The following CNGB3 variants were observed in gnomAD, a reference collection of about 807,000 sequenced individuals.
CNGB3 encodes cyclic nucleotide gated channel subunit beta 3.
Under a neutral mutation model 92.8 loss-of-function variants are expected in CNGB3, and 86 were observed. That is an observed-to-expected ratio of 0.93 (90% CI 0.78 to 1.11). The LOEUF (loss-of-function observed/expected upper bound fraction) is 1.11. CNGB3 is among the 50% of genes least tolerant of loss of function. The pLI, the probability that CNGB3 is intolerant of heterozygous loss-of-function variation, is 0.00. For synonymous variants in CNGB3, 333 were observed against 332.7 expected (o/e 1.00, Z -0.01); for missense variants, 1,026 against 956.8 (o/e 1.07, Z -0.95).
chr8:86,700,731 C>T (rs771992767), intron 3 of CNGB3, among the ~76,000 whole-genome samples: 10 of 152,252 alleles, frequency 6.6e-5, no homozygotes, highest in East Asian at 1.9e-4. Context: ...CTCCATCTCC[C>T]GGGTTCAAGC....
At position 86,586,968 on chromosome 8, in the gene CNGB3, T is replaced by G. The variant is rs1236546331; in HGVS notation, c.1782-7716A>C. Among the ~76,000 whole-genome samples the G allele has an allele frequency of 2.1e-5, 3 of 143,720 alleles. No individual in the cohort carries two copies. In the South Asian group the frequency reaches 6.8e-4, roughly 33 times the overall value. 94.3% of individuals were successfully genotyped at this position (143,720 alleles called of 152,430 possible). A position where few individuals can be genotyped will look rare whatever the true frequency, so the allele number is the denominator to read the frequency against. On this transcript the variant is annotated intron_variant, in intron 15 of 17. Transcript: ENST00000320005. ...AGTCCCACCAACAGTGTAAAAGTGT[T>G]CCTATTTCTCCACATCCTCTCCAGC...
chr8:86,652,868 T>G (rs987239115), intron 7 of CNGB3, among the ~76,000 whole-genome samples: 1 of 152,134 alleles, frequency 6.6e-6, no homozygotes, highest in Non-Finnish European at 1.5e-5. Flanking sequence ...GAGTACAGGA[T>G]AGTAAATACA....
chr8:86,584,301 A>T (rs1304462657), intron 15 of CNGB3, among the ~76,000 whole-genome samples: 2 of 152,198 alleles, frequency 1.3e-5, no homozygotes, highest in East Asian at 1.9e-4. Context: ...GTTGTCATGG[A>T]CACAGGGTAA....
rs557406485 is a variant in CNGB3 at position 86,580,555 on chromosome 8, G to C, written c.1782-1303C>G. On this transcript the variant is annotated intron_variant, in intron 15 of 17. Coordinates refer to ENST00000320005, the MANE Select transcript of CNGB3 (RefSeq NM_019098.5). ...GTGTCATAAGCTGCTCTATAATATA[G>C]TCATTCACATACATCTCCCCACCTG... Among the ~76,000 whole-genome samples, 14 of 152,220 alleles carry C rather than the reference G, an allele frequency of 9.2e-5. No homozygotes were observed. The East Asian group carries it at 2.1e-3, about 23-fold the overall frequency.
At chr8:86,691,059 T>C (rs1265217275) in intron 3 of CNGB3, among the ~76,000 whole-genome samples, 1 of 152,206 alleles carries the variant, frequency 6.6e-6, no homozygotes, top group Non-Finnish European at 1.5e-5. Context: ...TTTGGTTCCA[T>C]ATGAACTTTA....
At chr8:86,723,219 C>T (rs1308571718) in intron 3 of CNGB3, among the ~76,000 whole-genome samples, 2 of 152,074 alleles carry the variant, frequency 1.3e-5, no homozygotes, top group African/African-American at 4.8e-5. Flanking sequence ...ATAATAATCC[C>T]TATTCAGCTC....
chr8:86,644,118 A>G (rs892643139), intron 9 of CNGB3, among the ~76,000 whole-genome samples: 1 of 151,216 alleles, frequency 6.6e-6, no homozygotes, highest in African/African-American at 2.4e-5. Flanking sequence ...CTTTTCACAG[A>G]TGTTGTGAGT....
chr8:86,697,390 T>C (rs1345812454), intron 3 of CNGB3, among the ~76,000 whole-genome samples: 42 of 152,216 alleles, frequency 2.8e-4, no homozygotes, highest in Admixed American at 1.3e-4. Context: ...ATAGATTCTG[T>C]AGTTATATCA....
intron 3 of CNGB3, among the ~76,000 whole-genome samples, chr8:86,699,251 A>T (rs538129521): frequency 1.3e-5 from 2 of 152,218 alleles, no homozygotes; most frequent in African/African-American, 4.8e-5. Flanking sequence ...TTATAACAGA[A>T]TTTTTAACTC....
At chr8:86,659,520 C>T in intron 6 of CNGB3, 1 of 605,454 alleles carries the variant, frequency 1.7e-6, no homozygotes, top group Non-Finnish European at 3.1e-6. Flanking sequence ...ATAACTCCAG[C>T]CTGAGGGCAT....
intron 3 of CNGB3, among the ~76,000 whole-genome samples, chr8:86,679,437 G>A (rs1322885734): frequency 1.3e-5 from 2 of 152,140 alleles, no homozygotes; most frequent in African/African-American, 4.8e-5. Flanking sequence ...CCTATGGGGA[G>A]GAATTAAGGT....
intron 13 of CNGB3, among the ~76,000 whole-genome samples, chr8:86,622,638 C>T (rs529372780): frequency 1.7e-4 from 26 of 152,270 alleles, no homozygotes; most frequent in African/African-American, 6.0e-4. Context: ...TGATCTTGAA[C>T]TCCTGGCCTC....
intron 3 of CNGB3, among the ~76,000 whole-genome samples, chr8:86,687,143 T>A (rs1824202941): frequency 6.6e-6 from 1 of 151,762 alleles, no homozygotes; most frequent in African/African-American, 2.4e-5. Flanking sequence ...TGTTGGTGAG[T>A]TTGTGGAGTA....
At chr8:86,717,136 T>C (rs758454207) in intron 3 of CNGB3, among the ~76,000 whole-genome samples, 2 of 152,268 alleles carry the variant, frequency 1.3e-5, no homozygotes, top group African/African-American at 2.4e-5. Context: ...CATTATATAA[T>C]GGTAGAAGGA....
At chr8:86,602,068 G>A (rs1356199723) in intron 15 of CNGB3, among the ~76,000 whole-genome samples, 2 of 152,176 alleles carry the variant, frequency 1.3e-5, no homozygotes, top group East Asian at 3.8e-4. Flanking sequence ...CAACCCTTGG[G>A]AAAGGTCAGC....
chr8:86,734,923 T>C (rs1432517611), intron 2 of CNGB3, among the ~76,000 whole-genome samples: 1 of 151,992 alleles, frequency 6.6e-6, no homozygotes, highest in Non-Finnish European at 1.5e-5. Flanking sequence ...AACAGTGTTG[T>C]CCTTATTTTA....
intron 14 of CNGB3, among the ~76,000 whole-genome samples, chr8:86,608,929 G>A (rs988447690): frequency 1.3e-5 from 2 of 152,172 alleles, no homozygotes; most frequent in East Asian, 1.9e-4. Flanking sequence ...GTGGTCCCCC[G>A]GGCCCAGCTG....
chr8:86,726,767 C>T (rs1825067710), intron 2 of CNGB3, 110 bp from the exon 3 acceptor site: 3 of 1,226,176 alleles, frequency 2.4e-6, no homozygotes, highest in Non-Finnish European at 3.6e-6. Context: ...ATAGTCTTCT[C>T]AAGAACACCT....
chr8:86,693,423 A>C (rs10087884), intron 3 of CNGB3, among the ~76,000 whole-genome samples: 11 of 134,724 alleles, frequency 8.2e-5, no homozygotes, highest in African/African-American at 3.0e-4. Context: ...ATTTTTTTTT[A>C]TTATTATTAT....
Sources: allele counts gnomAD v4.1 joint callset (sites outside exome capture counted in the v4.1 genomes callset), GRCh38; gene constraint gnomAD v4.1.1; transcripts MANE v1.5; gene names NCBI Gene and HGNC (gene_info 2026-07-23, HGNC 2026-07-21).